The following ITSN1 variants were observed in gnomAD, a reference collection of about 807,000 sequenced individuals.
ITSN1 encodes the protein intersectin 1, also known as intersectin-1.
ITSN1 carries 58 observed loss-of-function variants against 239.8 expected under a neutral mutation model. That is an observed-to-expected ratio of 0.24 (90% confidence interval 0.20 to 0.30). The LOEUF (loss-of-function observed/expected upper bound fraction) is 0.30, where lower values mean the gene tolerates loss of function less well. ITSN1 is among the 10% of genes least tolerant of loss of function. ITSN1 has a pLI of 1.00. For synonymous variants in ITSN1, 780 were observed against 770.8 expected, an observed-to-expected ratio of 1.01 and a Z score of -0.20; for missense variants, 1,558 against 2,103.3, an observed-to-expected ratio of 0.74 and a Z score of 5.07.
At chr21:33,762,717 G>A (rs1288504005) in intron 9 of ITSN1, among the ~76,000 whole-genome samples, 1 of 140,954 alleles carries the variant, frequency 7.1e-6, no homozygotes, top group African/African-American at 3.2e-5. Flanking sequence ...CATCCAGATG[G>A]CAGTGGTGCC....
chr21:33,817,455 A>C, intron 22 of ITSN1: 1 of 1,304,410 alleles, frequency 7.7e-7, no homozygotes, highest in Non-Finnish European at 1.0e-6. Flanking sequence ...TGATGCCCCC[A>C]GGCAGAATTC....
At chr21:33,875,604 A>G in intron 34 of ITSN1, 83 bp downstream of exon 34, 1 of 1,327,596 alleles carries the variant, frequency 7.5e-7, no homozygotes, top group Admixed American at 2.3e-5. Flanking sequence ...AAAAGCATGA[A>G]CCATTCTCCT....
chr21:33,658,804 G>A (rs143954545), intron 1 of ITSN1, among the ~76,000 whole-genome samples: 2 of 152,256 alleles, frequency 1.3e-5, no homozygotes, highest in South Asian at 2.1e-4. Context: ...TACTTACTGT[G>A]TGTCAGATAG....
At chr21:33,689,982 AT>A (rs1334830112) in intron 1 of ITSN1, among the ~76,000 whole-genome samples, 80 of 150,218 alleles carry the variant, frequency 5.3e-4, no homozygotes, top group East Asian at 1.6e-3. Context: ...AAAAAAAAAA[AT>A]AATTAAAAAA....
At position 33,895,630 on chromosome 21, in the gene ITSN1, T is replaced by C. The variant is rs114522005; in HGVS notation, c.*7330T>C. 0.017 allele frequency: 1,776 copies of C among 104,198 alleles called. 37 individuals are homozygous for C. The highest frequency in any genetic ancestry group is 0.062 in the African/African-American group (1,680 of 27,296). The allele number at this position is 104,198 out of a possible 1,614,324, so 6.5% of individuals were successfully genotyped here. A position where few individuals can be genotyped will look rare whatever the true frequency, so the allele number is the denominator to read the frequency against. On this transcript the variant is annotated 3_prime_UTR_variant, in exon 40 of 40. Transcript: ENST00000381318. Reference sequence around the variant, plus strand: ...GTGCGTGTGTGCGTATTTGTGTGTGTGCGTGTGTGTGCGTGTGTATGTGCG... The same window carrying C: ...GTGCGTGTGTGCGTATTTGTGTGTGCGCGTGTGTGTGCGTGTGTATGTGCG...
At chr21:33,793,332 A>G (rs1363651638) in intron 16 of ITSN1, among the ~76,000 whole-genome samples, 1 of 152,142 alleles carries the variant, frequency 6.6e-6, no homozygotes, top group Admixed American at 6.6e-5. Context: ...AACTCTCCCC[A>G]TAGAGATCCC....
intron 29 of ITSN1, among the ~76,000 whole-genome samples, chr21:33,851,814 C>T (rs1156497808): frequency 2.3e-4 from 25 of 108,172 alleles, no homozygotes; most frequent in Admixed American, 6.9e-4. Flanking sequence ...GACAGGTGCT[C>T]GCTCTGTTGC....
In ITSN1 at chr21:33,888,341, G is replaced by C; in HGVS notation, c.*41G>C. ...TGTGCTCAGCAGGGTCCCAGCCCAC[G>C]GCCACACATGCTGTCTGGAAATTGT... is the stretch of plus-strand genomic sequence containing the variant. On this transcript the variant is annotated 3_prime_UTR_variant, in exon 40 of 40. Coordinates refer to ENST00000381318, the MANE Select transcript of ITSN1 (RefSeq NM_003024.3). The C allele has an allele frequency of 1.3e-6, 2 of 1,563,950 alleles. No individual in the cohort carries two copies. The highest frequency in any genetic ancestry group is 1.7e-6 in the Non-Finnish European group (2 of 1,150,936).
chr21:33,811,130 C>T lies in ITSN1; in HGVS notation c.2475C>T (p.Pro825=). The change falls in exon 21 of 40, where the codon CCC becomes CCT. Residue 825 remains proline (P), a synonymous_variant. Transcript: ENST00000381318. ...PVTDSTSAPA[P]KLALRETPAP... is the part of the protein sequence containing the mutation. ...CTGATTCAACATCTGCCCCTGCCCC[C>T]AAACTGGCCTTGCGTGAGACCCCCG... is the stretch of plus-strand genomic sequence containing the variant. The T allele has an allele frequency of 6.2e-7, 1 of 1,614,084 alleles. No homozygotes were observed. The highest frequency in any genetic ancestry group is 8.5e-7 in the Non-Finnish European group (1 of 1,180,022).
chr21:33,676,869 G>A (rs2090624401), intron 1 of ITSN1, among the ~76,000 whole-genome samples: 2 of 152,096 alleles, frequency 1.3e-5, no homozygotes, highest in South Asian at 4.1e-4. Flanking sequence ...TTCTATGGCT[G>A]CATAGTATTT....
In ITSN1 at chr21:33,713,828, C is replaced by CTTTTTTT. The variant is rs35226795; in HGVS notation, c.-32-4951_-32-4945dup. On this transcript the variant is annotated intron_variant, in intron 1 of 39. Coordinates refer to ENST00000381318, the MANE Select transcript of ITSN1 (RefSeq NM_003024.3). ...TTACCTGGGAACATTCCAGCCTCAT[C>CTTTTTTT]TTTTTTTTTTTTTTTTTTTTTTTTG... Among the ~76,000 whole-genome samples the CTTTTTTT allele has an allele frequency of 3.9e-4, 35 of 89,370 alleles. 1 individual carries two copies. The highest frequency in any genetic ancestry group is 1.5e-3 in the East Asian group (4 of 2,688). The allele number at this position is 89,370 out of a possible 152,430, so 58.6% of individuals were successfully genotyped here. A position where few individuals can be genotyped will look rare whatever the true frequency, so the allele number is the denominator to read the frequency against.
intron 4 of ITSN1, among the ~76,000 whole-genome samples, chr21:33,730,848 C>A (rs1032154274): frequency 6.6e-6 from 1 of 151,756 alleles, no homozygotes; most frequent in African/African-American, 2.4e-5. Context: ...TACAGGCGCC[C>A]GCGTGCCCAG....
intron 29 of ITSN1, among the ~76,000 whole-genome samples, 163 bp from the exon 30 acceptor site, chr21:33,856,573 G>A (rs192648146): frequency 1.3e-5 from 2 of 152,274 alleles, no homozygotes; most frequent in Admixed American, 1.3e-4. Flanking sequence ...AGGTACCAGG[G>A]GGTAGGGCTT....
At chr21:33,795,950 C>CT (rs5843623) in intron 17 of ITSN1, among the ~76,000 whole-genome samples, 99,739 of 139,858 alleles carry the variant, frequency 0.71, 36,037 homozygotes, top group Non-Finnish European at 0.78. Flanking sequence ...TAAAGTAATT[C>CT]TTTTTTTTTT....
At chr21:33,758,437 C>T (rs1166072684) in intron 8 of ITSN1, among the ~76,000 whole-genome samples, 6 of 152,186 alleles carry the variant, frequency 3.9e-5, no homozygotes, top group Non-Finnish European at 5.9e-5. Context: ...CTGTTTACCC[C>T]ACTGACTATC....
At chr21:33,814,394 G>T (rs1383722288) in intron 22 of ITSN1, 3 of 279,004 alleles carry the variant, frequency 1.1e-5, no homozygotes, top group Non-Finnish European at 2.1e-5. Flanking sequence ...GACAGAAACT[G>T]CTGGGAAGGC....
intron 5 of ITSN1, among the ~76,000 whole-genome samples, chr21:33,741,614 C>T (rs1395934330): frequency 1.3e-5 from 2 of 151,866 alleles, no homozygotes; most frequent in African/African-American, 4.8e-5. Flanking sequence ...GAAAATAGGC[C>T]GGGCGCAGTG....
At chr21:33,848,482 C>T (rs2075053039) in intron 29 of ITSN1, among the ~76,000 whole-genome samples, 2 of 152,162 alleles carry the variant, frequency 1.3e-5, no homozygotes, top group South Asian at 2.1e-4. Flanking sequence ...AGCAGATTAG[C>T]GCACCAGCGA....
At position 33,834,344 on chromosome 21, in the gene ITSN1, C is replaced by T. The variant is rs2074476662; in HGVS notation, c.3389C>T (p.Ala1130Val). 6.2e-7 allele frequency: 1 copy of T among 1,614,014 alleles called. No homozygotes were observed. Among genetic ancestry groups the T allele is most frequent in the Non-Finnish European group, 8.5e-7 (1 of 1,179,984 alleles). The change falls in exon 28 of 40, where the codon GCT becomes GTT. Residue 1130 changes from alanine to valine, a missense_variant. Ala to Val is a moderately conservative substitution (Grantham distance 64). Transcript: ENST00000381318. Reference protein sequence around the residue: ...GKKRQIGWFPANYVKLLSPGT... With the variant: ...GKKRQIGWFPVNYVKLLSPGT... ...AAGCGCCAGATAGGCTGGTTCCCAGCTAATTATGTAAAGCTTCTAAGCCCT... is the reference window on the plus strand; with the variant it reads ...AAGCGCCAGATAGGCTGGTTCCCAGTTAATTATGTAAAGCTTCTAAGCCCT...
Sources: allele counts gnomAD v4.1 joint callset (sites outside exome capture counted in the v4.1 genomes callset), GRCh38; gene constraint gnomAD v4.1.1; transcripts MANE v1.5; gene names NCBI Gene and HGNC (gene_info 2026-07-23, HGNC 2026-07-21).